The following TBC1D5 variants were observed in gnomAD, a reference collection of about 807,000 sequenced individuals.
TBC1D5 encodes TBC1 domain family member 5, also known as TBC1 domain family, member 5.
A neutral mutation model predicts 100.3 loss-of-function variants in TBC1D5; 75 were observed. The observed-to-expected ratio is 0.75, with a 90% confidence interval of 0.62 to 0.91. The LOEUF (loss-of-function observed/expected upper bound fraction) is 0.91. Ranked by LOEUF, TBC1D5 falls within the 40% of genes least tolerant of loss-of-function variation. TBC1D5 has a pLI of 0.00. For synonymous variants in TBC1D5, 323 were observed against 325.6 expected, an observed-to-expected ratio of 0.99 and a Z score of 0.09; for missense variants, 910 against 942.4, an observed-to-expected ratio of 0.97 and a Z score of 0.45.
At chr3:17,540,012 G>T (rs767769582) in intron 2 of TBC1D5, among the ~76,000 whole-genome samples, 1 of 152,144 alleles carries the variant, frequency 6.6e-6, no homozygotes, top group Non-Finnish European at 1.5e-5. Flanking sequence ...ACATATTATT[G>T]TTTGATGTTG....
At chr3:17,263,673 G>A (rs1271941141) in intron 15 of TBC1D5, among the ~76,000 whole-genome samples, 2 of 152,130 alleles carry the variant, frequency 1.3e-5, no homozygotes, top group Non-Finnish European at 2.9e-5. Flanking sequence ...CTGAATTTTG[G>A]GCAGGTATCT....
At chr3:17,470,289 T>C (rs755844166) in intron 3 of TBC1D5, among the ~76,000 whole-genome samples, 1 of 152,210 alleles carries the variant, frequency 6.6e-6, no homozygotes, top group Non-Finnish European at 1.5e-5. Context: ...AATAGGTACA[T>C]TGGGTAATGG....
chr3:17,659,829 CTCT>C (rs2066473225), intron 1 of TBC1D5, among the ~76,000 whole-genome samples: 2 of 151,960 alleles, frequency 1.3e-5, no homozygotes. Context: ...CAATTTAGAA[CTCT>C]TCATTTCCAG....
rs138246639 is a variant in TBC1D5, at chr3:17,639,122, G to A, written c.-100-15209C>T. On this transcript the variant is annotated intron_variant, in intron 1 of 21. Transcript: ENST00000253692. ...AAAACTGCAAACAACATAAATGTCC[G>A]TGGAATGGACTGACAGATGATGAAT... 1.1e-3 allele frequency among the ~76,000 whole-genome samples: 165 copies of A among 152,172 alleles called. 2 individuals carry two copies. The South Asian group carries it at 0.018, about 17-fold the overall frequency.
intron 1 of TBC1D5, among the ~76,000 whole-genome samples, chr3:17,663,928 CAAA>C (rs541586846): frequency 6.6e-6 from 1 of 151,624 alleles, no homozygotes; most frequent in Non-Finnish European, 1.5e-5. Context: ...GTAATAGATG[CAAA>C]AAAAATCCCA....
At chr3:17,706,781 T>G (rs1248398744) in intron 1 of TBC1D5, among the ~76,000 whole-genome samples, 3 of 151,938 alleles carry the variant, frequency 2.0e-5, no homozygotes, top group Non-Finnish European at 4.4e-5. Flanking sequence ...CTTTGTTTTA[T>G]AATTAAGCCA....
intron 13 of TBC1D5, among the ~76,000 whole-genome samples, chr3:17,321,201 G>C (rs1232222852): frequency 6.6e-6 from 1 of 152,116 alleles, no homozygotes; most frequent in Non-Finnish European, 1.5e-5. Flanking sequence ...CTGAGTAGCT[G>C]GGAGTACAGG....
chr3:17,632,037 G>C (rs2063544422), intron 1 of TBC1D5, among the ~76,000 whole-genome samples: 1 of 152,124 alleles, frequency 6.6e-6, no homozygotes, highest in African/African-American at 2.4e-5. Flanking sequence ...TTATTCTAAC[G>C]AATCTGGGCA....
intron 3 of TBC1D5, among the ~76,000 whole-genome samples, chr3:17,476,409 C>T (rs945440836): frequency 6.6e-6 from 1 of 151,978 alleles, no homozygotes; most frequent in South Asian, 2.1e-4. Flanking sequence ...ATTCTTTCAC[C>T]ACTGATCTAT....
intron 16 of TBC1D5, among the ~76,000 whole-genome samples, 156 bp from the exon 17 acceptor site, chr3:17,238,575 C>T (rs1046214305): frequency 6.6e-6 from 1 of 152,134 alleles, no homozygotes; most frequent in Non-Finnish European, 1.5e-5. Flanking sequence ...AAAGTTACTA[C>T]AGAATAAATA....
At chr3:17,241,284 GAT>G (rs1166983094) in intron 16 of TBC1D5, among the ~76,000 whole-genome samples, 1 of 152,140 alleles carries the variant, frequency 6.6e-6, no homozygotes, top group Non-Finnish European at 1.5e-5. Flanking sequence ...TAATGGCTGT[GAT>G]GTGTATGATT....
intron 2 of TBC1D5, among the ~76,000 whole-genome samples, chr3:17,598,006 C>CG (rs1560243952): frequency 8.2e-6 from 1 of 121,948 alleles, no homozygotes; most frequent in Non-Finnish European, 1.8e-5. Flanking sequence ...CCCTGCCCCC[C>CG]CGCCCCCCAA....
intron 13 of TBC1D5, among the ~76,000 whole-genome samples, chr3:17,316,952 T>C (rs763163316): frequency 2.6e-5 from 4 of 152,178 alleles, no homozygotes; most frequent in South Asian, 2.1e-4. Flanking sequence ...TGCTAGGCCA[T>C]AGACTGAATG....
At chr3:17,736,782 C>T (rs753893251) in intron 1 of TBC1D5, among the ~76,000 whole-genome samples, 1 of 152,090 alleles carries the variant, frequency 6.6e-6, no homozygotes, top group Non-Finnish European at 1.5e-5. Flanking sequence ...GAAGCTGGGG[C>T]GGGTGGATCA....
At chr3:17,372,368 TA>T (rs1475691440) in intron 12 of TBC1D5, 121 bp from the exon 13 acceptor site, 11 of 866,462 alleles carry the variant, frequency 1.3e-5, no homozygotes, top group South Asian at 3.5e-5. Context: ...TACTCATTCT[TA>T]AAAAAAGGTG....
At chr3:17,224,868 T>C (rs2074673824) in intron 17 of TBC1D5, among the ~76,000 whole-genome samples, 1 of 152,206 alleles carries the variant, frequency 6.6e-6, no homozygotes, top group Admixed American at 6.5e-5. Flanking sequence ...GATCAGCTCT[T>C]ATCAAAACTT....
chr3:17,300,086 T>C (rs1159236524), intron 14 of TBC1D5, among the ~76,000 whole-genome samples: 1 of 152,182 alleles, frequency 6.6e-6, no homozygotes, highest in East Asian at 1.9e-4. Flanking sequence ...TACTATGGTA[T>C]ATCAGCCTTT....
intron 1 of TBC1D5, among the ~76,000 whole-genome samples, chr3:17,691,845 G>GA (rs1343426029): frequency 7.0e-6 from 1 of 143,208 alleles, no homozygotes; most frequent in Non-Finnish European, 1.5e-5. Context: ...AAAAAAGAAA[G>GA]AAAAAAAGAA....
intron 13 of TBC1D5, among the ~76,000 whole-genome samples, chr3:17,316,730 C>T (rs987840047): frequency 1.3e-5 from 2 of 152,126 alleles, no homozygotes; most frequent in Non-Finnish European, 1.5e-5. Context: ...GTCTGTAAAT[C>T]GGCACTATCT....
Sources: allele counts gnomAD v4.1 joint callset (sites outside exome capture counted in the v4.1 genomes callset), GRCh38; gene constraint gnomAD v4.1.1; transcripts MANE v1.5; gene names NCBI Gene and HGNC (gene_info 2026-07-23, HGNC 2026-07-21).